The following CTNNA3 variants were observed in gnomAD, a reference collection of about 807,000 sequenced individuals.
The protein encoded by CTNNA3 is catenin alpha 3, also known as catenin alpha-3.
In CTNNA3, 76 loss-of-function variants were observed where a neutral mutation model predicts 95.7. The ratio of observed to expected loss-of-function variants is 0.79; its 90% CI spans 0.66 to 0.96. The LOEUF is 0.96. Among genes scored for constraint, CTNNA3 ranks in the 40% least tolerant of loss-of-function variants. CTNNA3 has a pLI of 0.00. For synonymous variants in CTNNA3, 431 were observed against 374.4 expected (o/e 1.15, Z -1.74); for missense variants, 1,191 against 1,089.8 (o/e 1.09, Z -1.31).
chr10:67,652,760 T>C (rs1331200113), intron 1 of CTNNA3, among the ~76,000 whole-genome samples: 1 of 152,220 alleles, frequency 6.6e-6, no homozygotes, highest in Non-Finnish European at 1.5e-5. Context: ...CCCTTGCCAA[T>C]TTGACATCAT....
At chr10:67,694,135 T>C (rs751499914) in intron 1 of CTNNA3, among the ~76,000 whole-genome samples, 43 of 152,358 alleles carry the variant, frequency 2.8e-4, no homozygotes, top group Admixed American at 1.6e-3. Context: ...TTATACATTC[T>C]GTTATTTTCA....
At chr10:67,413,017 G>A (rs1434439137) in intron 5 of CTNNA3, among the ~76,000 whole-genome samples, 1 of 152,004 alleles carries the variant, frequency 6.6e-6, no homozygotes, top group Admixed American at 6.6e-5. Context: ...ATGTAAATGG[G>A]CTAAACAGCC....
At chr10:67,649,711 T>C (rs1009640590) in intron 1 of CTNNA3, among the ~76,000 whole-genome samples, 4 of 152,268 alleles carry the variant, frequency 2.6e-5, no homozygotes, top group Non-Finnish European at 5.9e-5. Context: ...GAAAACTGCA[T>C]AATTTTGCAA....
chr10:66,749,951 T>A (rs948900210), intron 9 of CTNNA3, among the ~76,000 whole-genome samples: 6 of 152,214 alleles, frequency 3.9e-5, no homozygotes, highest in African/African-American at 1.4e-4. Context: ...TAGTTGGCAA[T>A]TCCCCAATGA....
chr10:67,209,275 C>G (rs1387180678), intron 6 of CTNNA3, among the ~76,000 whole-genome samples: 2 of 152,128 alleles, frequency 1.3e-5, no homozygotes, highest in African/African-American at 2.4e-5. Flanking sequence ...TCTCGACCTC[C>G]TAACCTCAGG....
chr10:66,464,883 T>C (rs1564989337), intron 11 of CTNNA3, among the ~76,000 whole-genome samples: 1 of 152,038 alleles, frequency 6.6e-6, no homozygotes. Context: ...GCCAGCCTCA[T>C]TAAAAAAAAA....
At chr10:67,747,315 G>GC (rs569693740) in intron 1 of CTNNA3, among the ~76,000 whole-genome samples, 137 of 152,244 alleles carry the variant, frequency 9.0e-4, no homozygotes, top group African/African-American at 2.9e-3. Flanking sequence ...TGGATCCCAT[G>GC]CCCCCCAACA....
chr10:66,740,430 T>G (rs982010071), intron 9 of CTNNA3, among the ~76,000 whole-genome samples: 1 of 152,214 alleles, frequency 6.6e-6, no homozygotes, highest in African/African-American at 2.4e-5. Context: ...TCAGACTACC[T>G]TTATGTGATT....
At chr10:66,341,412 T>G (rs1474877782) in intron 12 of CTNNA3, among the ~76,000 whole-genome samples, 4 of 151,934 alleles carry the variant, frequency 2.6e-5, no homozygotes, top group African/African-American at 9.7e-5. Context: ...TAAGCTCATT[T>G]CAAATTATAA....
chr10:67,705,517 C>G (rs1841072634), intron 1 of CTNNA3, among the ~76,000 whole-genome samples: 1 of 149,080 alleles, frequency 6.7e-6, no homozygotes, highest in Non-Finnish European at 1.5e-5. Flanking sequence ...TCTCAGTAAA[C>G]TATCGCAAGA....
intron 7 of CTNNA3, among the ~76,000 whole-genome samples, chr10:66,805,484 C>CAT (rs539501784): frequency 2.7e-5 from 4 of 148,680 alleles, no homozygotes; most frequent in South Asian, 2.1e-4. Flanking sequence ...TATATATACA[C>CAT]ATATATATAC....
intron 3 of CTNNA3, among the ~76,000 whole-genome samples, chr10:67,577,544 G>C (rs888393128): frequency 6.6e-6 from 1 of 151,992 alleles, no homozygotes; most frequent in Admixed American, 6.6e-5. Flanking sequence ...GATCCCATTT[G>C]TCAATTTTGG....
At chr10:67,495,269 C>T (rs112096088) in intron 5 of CTNNA3, among the ~76,000 whole-genome samples, 2,586 of 152,230 alleles carry the variant, frequency 0.017, 76 homozygotes, top group African/African-American at 0.057. Context: ...CTCCCTGACA[C>T]CCTCTCTCCA....
intron 8 of CTNNA3, among the ~76,000 whole-genome samples, chr10:66,769,069 GT>G (rs1165271067): frequency 2.0e-5 from 3 of 152,154 alleles, no homozygotes; most frequent in Non-Finnish European, 2.9e-5. Flanking sequence ...AAGAGTGACT[GT>G]TTTTCATATA....
chr10:67,433,249 T>A (rs1846177010), intron 5 of CTNNA3, among the ~76,000 whole-genome samples: 1 of 151,926 alleles, frequency 6.6e-6, no homozygotes, highest in Admixed American at 6.6e-5. Context: ...GAGACACAGA[T>A]GGGGAAAGGC....
intron 5 of CTNNA3, among the ~76,000 whole-genome samples, chr10:67,269,796 TC>T (rs1428261980): frequency 6.6e-6 from 1 of 152,142 alleles, no homozygotes; most frequent in African/African-American, 2.4e-5. Flanking sequence ...TTTTGACTGT[TC>T]CTTTTATATC....
chr10:66,692,398 G>T (rs1847582080), intron 9 of CTNNA3, among the ~76,000 whole-genome samples: 2 of 152,064 alleles, frequency 1.3e-5, no homozygotes, highest in South Asian at 2.1e-4. Context: ...GAAGCAAGAA[G>T]GGAAGTTTAG....
chr10:66,010,909 T>C (rs1450562852), intron 15 of CTNNA3, among the ~76,000 whole-genome samples: 1 of 152,192 alleles, frequency 6.6e-6, no homozygotes, highest in African/African-American at 2.4e-5. Flanking sequence ...AGAATGCATG[T>C]CAACCAACTA....
intron 7 of CTNNA3, among the ~76,000 whole-genome samples, chr10:67,018,948 T>A (rs1422155381): frequency 6.6e-6 from 1 of 152,240 alleles, no homozygotes; most frequent in Non-Finnish European, 1.5e-5. Flanking sequence ...AGACAAACTC[T>A]GATTTTCAGT....
Sources: allele counts gnomAD v4.1 joint callset (sites outside exome capture counted in the v4.1 genomes callset), GRCh38; gene constraint gnomAD v4.1.1; transcripts MANE v1.5; gene names NCBI Gene and HGNC (gene_info 2026-07-23, HGNC 2026-07-21).